Variants in NBAS observed in about 807,000 individuals in gnomAD.
NBAS encodes NAG/BC035112 fusion.
NBAS carries 219 observed loss-of-function variants against 302.5 expected under a neutral mutation model. The observed-to-expected ratio is 0.72, with a 90% CI of 0.65 to 0.81. The LOEUF is 0.81. NBAS is among the 30% of genes least tolerant of loss of function. The probability of loss-of-function intolerance (pLI) is 0.00; values close to 1 mark genes in which losing one functional copy is unlikely to be tolerated. For synonymous variants in NBAS, 1,118 were observed against 1,021.6 expected, an observed-to-expected ratio of 1.09 and a Z score of -1.80; for missense variants, 2,932 against 2,841.6, an observed-to-expected ratio of 1.03 and a Z score of -0.72.
chr2:15,223,784 G>A (rs1043592553), intron 47 of NBAS, among the ~76,000 whole-genome samples: 1 of 150,428 alleles, frequency 6.6e-6, no homozygotes, highest in Non-Finnish European at 1.5e-5. Context: ...AGCCGAGATC[G>A]CACCACTGCA....
the NBAS span, among the ~76,000 whole-genome samples, chr2:14,786,359 G>A: frequency 0.01 from 1,584 of 152,102 alleles, 29 homozygotes; most frequent in African/African-American, 0.035. Context: ...CTTGCCTTCT[G>A]CTAGCTTTTG....
the NBAS span, among the ~76,000 whole-genome samples, chr2:14,885,853 G>T: frequency 6.6e-6 from 1 of 152,150 alleles, no homozygotes; most frequent in East Asian, 1.9e-4. Context: ...GAGAACAAAG[G>T]TGCGCCTGTT....
At chr2:15,425,539 C>T (rs1677425857) in intron 22 of NBAS, among the ~76,000 whole-genome samples, 1 of 152,196 alleles carries the variant, frequency 6.6e-6, no homozygotes, top group African/African-American at 2.4e-5. Flanking sequence ...AGCAGAAACA[C>T]AGCCTGTAAA....
the NBAS span, among the ~76,000 whole-genome samples, chr2:15,059,958 A>C: frequency 1.5e-3 from 140 of 96,284 alleles, no homozygotes; most frequent in Non-Finnish European, 2.2e-3. Context: ...AAAAAAAAAA[A>C]AAAAACAAAA....
intron 44 of NBAS, among the ~76,000 whole-genome samples, chr2:15,259,303 A>G (rs185260692): frequency 3.7e-4 from 56 of 152,194 alleles, no homozygotes; most frequent in Non-Finnish European, 6.8e-4. Flanking sequence ...CAAACTCTCC[A>G]CACAAAATGA....
the NBAS span, among the ~76,000 whole-genome samples, chr2:15,083,970 G>A: frequency 1.3e-5 from 2 of 150,716 alleles, no homozygotes; most frequent in African/African-American, 2.4e-5. Flanking sequence ...TGGTTAGATC[G>A]AATAAAAAAA....
At chr2:15,234,353 A>G (rs1258410530) in intron 46 of NBAS, among the ~76,000 whole-genome samples, 192 bp downstream of exon 46, 2 of 152,248 alleles carry the variant, frequency 1.3e-5, no homozygotes, top group Non-Finnish European at 2.9e-5. Context: ...GTTATACACA[A>G]TACCAACAAT....
chr2:15,291,291 C>T (rs1670294190), intron 41 of NBAS, among the ~76,000 whole-genome samples: 1 of 152,142 alleles, frequency 6.6e-6, no homozygotes, highest in Admixed American at 6.5e-5. Context: ...TCCCTAAGCA[C>T]CATTTTTCTT....
chr2:14,989,995 A>C, the NBAS span, among the ~76,000 whole-genome samples: 1 of 151,868 alleles, frequency 6.6e-6, no homozygotes, highest in South Asian at 2.1e-4. Flanking sequence ...AATATATCAA[A>C]ATTTTACTCA....
chr2:14,913,573 A>C, the NBAS span, among the ~76,000 whole-genome samples: 4 of 152,108 alleles, frequency 2.6e-5, no homozygotes, highest in African/African-American at 9.7e-5. Context: ...TTTCATCTCT[A>C]TCCTGAGAGG....
chr2:15,363,788 A>T (rs1674058020), intron 32 of NBAS, among the ~76,000 whole-genome samples: 1 of 152,238 alleles, frequency 6.6e-6, no homozygotes, highest in African/African-American at 2.4e-5. Flanking sequence ...AATTCAAGAC[A>T]ATTCCAATCT....
chr2:15,359,017 C>CG (rs1461306746), intron 32 of NBAS, among the ~76,000 whole-genome samples: 3 of 152,162 alleles, frequency 2.0e-5, no homozygotes, highest in Non-Finnish European at 4.4e-5. Flanking sequence ...TAAAATAAAA[C>CG]TGCAATTAAA....
chr2:15,017,503 T>C, the NBAS span, among the ~76,000 whole-genome samples: 24 of 135,178 alleles, frequency 1.8e-4, no homozygotes, highest in African/African-American at 7.2e-4. Context: ...GCAAATGATC[T>C]GAACAGGTGT....
chr2:15,403,887 G>GTGTT (rs1252400233), intron 25 of NBAS, among the ~76,000 whole-genome samples: 1 of 146,568 alleles, frequency 6.8e-6, no homozygotes, highest in Non-Finnish European at 1.5e-5. Flanking sequence ...GTGTGTGTGT[G>GTGTT]TGTGTGTGTG....
intron 40 of NBAS, among the ~76,000 whole-genome samples, chr2:15,299,084 T>C (rs147636742): frequency 6.6e-6 from 1 of 152,288 alleles, no homozygotes; most frequent in Non-Finnish European, 1.5e-5. Flanking sequence ...ACATGACGCA[T>C]GGGTATGAAA....
chr2:15,231,394 A>C (rs1204220529), intron 47 of NBAS, among the ~76,000 whole-genome samples: 3 of 152,144 alleles, frequency 2.0e-5, no homozygotes, highest in Non-Finnish European at 4.4e-5. Flanking sequence ...GCAGGGAAAT[A>C]GACTATGAAG....
At chr2:15,194,482 A>AAAACAT (rs1665516185) in intron 48 of NBAS, among the ~76,000 whole-genome samples, 1 of 152,170 alleles carries the variant, frequency 6.6e-6, no homozygotes, top group African/African-American at 2.4e-5. Flanking sequence ...AAAGAAAATG[A>AAAACAT]AAACATTCTC....
chr2:15,434,539 C>G (rs1350430785), intron 21 of NBAS, among the ~76,000 whole-genome samples: 1 of 152,136 alleles, frequency 6.6e-6, no homozygotes, highest in Non-Finnish European at 1.5e-5. Context: ...CCAAATAAAA[C>G]ACTTAGGTAA....
chr2:15,495,810 C>T (rs1264546250), intron 11 of NBAS, among the ~76,000 whole-genome samples: 1 of 152,092 alleles, frequency 6.6e-6, no homozygotes, highest in Non-Finnish European at 1.5e-5. Flanking sequence ...GATGTGGAGA[C>T]AATGGAAACA....
Sources: gnomAD v4.1 joint callset for allele counts (sites outside exome capture counted in the v4.1 genomes callset) on GRCh38, gnomAD v4.1.1 for gene constraint, MANE v1.5 for transcripts, NCBI Gene and HGNC (gene_info 2026-07-23, HGNC 2026-07-21) for gene names.